Variants in RIF1 observed in about 807,000 individuals in gnomAD.
RIF1 encodes the protein replication timing regulatory factor 1.
RIF1 carries 45 observed loss-of-function variants against 247.1 expected under a neutral mutation model. The observed-to-expected ratio is 0.18, with a 90% CI of 0.14 to 0.23. RIF1 has a LOEUF of 0.23. Ranked by LOEUF, RIF1 falls within the 10% of genes least tolerant of loss-of-function variation. RIF1 has a pLI of 1.00. For synonymous variants in RIF1, 1,087 were observed against 978.8 expected, an observed-to-expected ratio of 1.11 and a Z score of -2.06; for missense variants, 2,967 against 2,862.5, an observed-to-expected ratio of 1.04 and a Z score of -0.83.
rs1318127087 is a variant in RIF1 at position 151,507,070 on chromosome 2, T to C, written c.*1028-659T>C. 13 of 1,089,862 alleles carry C rather than the reference T, an allele frequency of 1.2e-5. No homozygotes were observed. In the East Asian group the frequency reaches 3.1e-4, roughly 26 times the overall value. 67.5% of individuals were successfully genotyped at this position (1,089,862 alleles called of 1,614,324 possible). A position where few individuals can be genotyped will look rare whatever the true frequency, so the allele number is the denominator to read the frequency against. ...TTTCAACATTGCTTTGTTTTCTTTA[T>C]TTGTCCTATATTATGTGAAGAAAAT... On this transcript the variant is annotated intron_variant and NMD_transcript_variant, in intron 13 of 13. Coordinates refer to the RIF1 transcript ENST00000454583.
At position 151,422,916 on chromosome 2, in the gene RIF1, G is replaced by C. The variant is rs115218817; in HGVS notation, c.694-34G>C. On this transcript the variant is annotated intron_variant, in intron 7 of 35. Coordinates refer to ENST00000444746, the MANE Select transcript of RIF1 (RefSeq NM_018151.5). ...TGGTATTGGATTTTTTTTTCTAAGA[G>C]TCTGTTTGGTAAATTAATTGCTTTT... 28 of 1,126,216 alleles carry C rather than the reference G, an allele frequency of 2.5e-5. No homozygotes were observed. In the Middle Eastern group the frequency reaches 8.2e-4, roughly 33 times the overall value. 69.8% of individuals were successfully genotyped at this position (1,126,216 alleles called of 1,614,324 possible).
intron 16 of RIF1, among the ~76,000 whole-genome samples, chr2:151,442,402 AAAAG>A (rs1245419946): frequency 4.0e-5 from 6 of 151,760 alleles, no homozygotes; most frequent in African/African-American, 1.5e-4. Flanking sequence ...AAAAAAAAAA[AAAAG>A]AAAGATGACC....
Position 151,461,238 on chromosome 2 carries a change from C to A in RIF1, c.3176C>A (p.Ala1059Glu), listed in dbSNP as rs149694365. 7.4e-6 allele frequency: 12 copies of A among 1,613,118 alleles called. No homozygotes were observed. The African/African-American group carries it at 1.3e-4, about 18-fold the overall frequency. ...TTTATACCTCCAGAAGGAAAAGATGCAAAGGAAAGAATATTAACTGATCAT... is the reference window on the plus strand; with the variant it reads ...TTTATACCTCCAGAAGGAAAAGATGAAAAGGAAAGAATATTAACTGATCAT... ...FVFIPPEGKD[A>E]KERILTDHQK... Residue 1059 changes from alanine (A) to glutamate (E), a missense_variant, in exon 27 of 36, where the codon GCA becomes GAA. Ala to Glu is a moderately radical substitution (Grantham distance 107). Around this residue, in one of 7 missense-constraint regions of RIF1, gnomAD observed 2,028 missense variants for 1,825.6 expected, o/e 1.11. Coordinates refer to ENST00000444746, the MANE Select transcript of RIF1 (RefSeq NM_018151.5).
chr2:151,420,104 GTA>G, intron 6 of RIF1, 84 bp from the exon 7 acceptor site: 1 of 1,104,696 alleles, frequency 9.1e-7, no homozygotes, highest in Non-Finnish European at 1.3e-6. Context: ...GCCGTACTGT[GTA>G]TATTTCTGTT....
At position 151,410,518 on chromosome 2, in the gene RIF1, C is replaced by T. The variant is rs774948279; in HGVS notation, c.95C>T (p.Thr32Ile). 15 of 1,612,746 alleles carry T rather than the reference C, an allele frequency of 9.3e-6. No individual in the cohort carries two copies. The highest frequency in any genetic ancestry group is 1.3e-5 in the African/African-American group (1 of 74,910). ...SHGGQTDAYL[T>I]LTSRMTGEEG... ...GGAGGGCAGACTGACGCTTACCTGA[C>T]TCTGACCAGGTGAGGTCCGCCACGG... The change falls in exon 2 of 36, where the codon ACT becomes ATT. Residue 32 changes from threonine (T) to isoleucine (I), a missense_variant. Thr to Ile is a moderately conservative substitution (Grantham distance 89). This residue lies in a region of RIF1 where 269 missense variants were observed against 288.6 expected (regional missense o/e 0.93). Coordinates refer to ENST00000444746, the MANE Select transcript of RIF1 (RefSeq NM_018151.5).
downstream of RIF1, chr2:151,485,900 C>A (rs1426472932): frequency 2.5e-6 from 4 of 1,613,842 alleles, no homozygotes; most frequent in African/African-American, 2.7e-5. Context: ...TCTGCATCAG[C>A]AGCCATATAG....
chr2:151,445,343 T>C lies in RIF1; in HGVS notation c.1992T>C (p.Asn664=). The change falls in exon 19 of 36, where the codon AAT becomes AAC. Residue 664 remains asparagine, a synonymous_variant. Coordinates refer to ENST00000444746, the MANE Select transcript of RIF1 (RefSeq NM_018151.5). ...TPLTELINQT[N]EVNQGDALEH... is the part of the protein sequence containing the mutation. ...CATTATTTTTCTTGTTTTAGACCAA[T>C]GAAGTAAATCAAGGTGATGCCTTAG... is the stretch of plus-strand genomic sequence containing the variant. 2 of 1,564,916 alleles carry C rather than the reference T, an allele frequency of 1.3e-6. No individual in the cohort carries two copies. The highest frequency in any genetic ancestry group is 1.8e-6 in the Non-Finnish European group (2 of 1,135,086).
intron 12 of RIF1, chr2:151,506,076 G>A: frequency 1.8e-6 from 2 of 1,119,938 alleles, no homozygotes; most frequent in South Asian, 1.2e-5. Flanking sequence ...GCTGTTTCTG[G>A]TGACAGAGGC....
rs531604132 is a variant in RIF1, at chr2:151,498,294, T to C, written c.*514-1051T>C. 5.8e-6 allele frequency: 9 copies of C among 1,551,470 alleles called. No individual in the cohort carries two copies. Among genetic ancestry groups the C allele is most frequent in the African/African-American group, 1.4e-5 (1 of 73,050 alleles). On this transcript the variant is annotated intron_variant and NMD_transcript_variant, in intron 10 of 13. Coordinates refer to the RIF1 transcript ENST00000454583. ...GTTTTCTTGATTGTGTTTGACTCTC[T>C]GCATCTCAGGAGTGATGGGGATTGG...
rs1685996421 is a variant in RIF1 at position 151,410,663 on chromosome 2, C to T, written c.104+136C>T. On this transcript the variant is annotated intron_variant, in intron 2 of 35. Transcript: ENST00000444746. ...TGTGAGGACGCCCGAGTCGCGGACG[C>T]CTTGGGGGGCGGGGGAGATGTATTC... The T allele has an allele frequency of 4.2e-6, 3 of 710,504 alleles. No homozygotes were observed. In the South Asian group the frequency reaches 5.3e-5, roughly 13 times the overall value. The allele number at this position is 710,504 out of a possible 1,614,324, so 44.0% of individuals were successfully genotyped here.
chr2:151,530,397 T>G, the RIF1 span, among the ~76,000 whole-genome samples: 1 of 152,136 alleles, frequency 6.6e-6, no homozygotes, highest in African/African-American at 2.4e-5. Context: ...GGCCTCGATC[T>G]GGGCTTTTTC....
intron 16 of RIF1, 125 bp from the exon 17 acceptor site, chr2:151,443,134 C>G (rs1311780417): frequency 6.2e-6 from 4 of 645,906 alleles, no homozygotes; most frequent in African/African-American, 5.6e-5. Context: ...GGTTGTCATA[C>G]CCTAAGTAAT....
At chr2:151,521,838 A>G in the RIF1 span, among the ~76,000 whole-genome samples, 1 of 152,208 alleles carries the variant, frequency 6.6e-6, no homozygotes, top group Non-Finnish European at 1.5e-5. Context: ...ACTAATATGA[A>G]TCTGAGTTCA....
intron 23 of RIF1, 69 bp from the exon 24 acceptor site, chr2:151,457,692 A>G: frequency 8.5e-7 from 1 of 1,170,884 alleles, no homozygotes; most frequent in South Asian, 1.4e-5. Flanking sequence ...TAAAAATTGA[A>G]ATAGCAACAT....
intron 20 of RIF1, among the ~76,000 whole-genome samples, chr2:151,451,124 A>G (rs1400719539): frequency 1.3e-5 from 2 of 152,234 alleles, no homozygotes; most frequent in African/African-American, 2.4e-5. Flanking sequence ...ATGTATGGTC[A>G]TGCGCCTCAT....
At chr2:151,522,459 C>T in the RIF1 span, among the ~76,000 whole-genome samples, 1 of 152,184 alleles carries the variant, frequency 6.6e-6, no homozygotes. Flanking sequence ...TGATCAGTGT[C>T]AGCAACCTAA....
chr2:151,533,550 T>A, the RIF1 span: 1 of 1,541,988 alleles, frequency 6.5e-7, no homozygotes, highest in Non-Finnish European at 8.8e-7. Flanking sequence ...ATTTTCTCTG[T>A]CCATGCAAAG....
At position 151,493,437 on chromosome 2, in the gene RIF1, G is replaced by A. The variant is rs898626861; in HGVS notation, c.*416-1792G>A. The A allele has an allele frequency of 3.8e-6, 6 of 1,591,862 alleles. No homozygotes were observed. The African/African-American group carries it at 8.1e-5, about 22-fold the overall frequency. The stretch of plus-strand genomic sequence containing the variant: ...GAGTTGCTTTTCTCATGTTCTCTTT[G>A]TACAATACCTAGGGAAGCCAAAAGA... On this transcript the variant is annotated intron_variant and NMD_transcript_variant, in intron 9 of 13. Transcript: ENST00000454583.
rs1416970697 is a variant in RIF1, at chr2:151,480,428, C to T, written c.*5357C>T. On this transcript the variant is annotated 3_prime_UTR_variant, in exon 36 of 36. Transcript: ENST00000444746. ...TGAGCTGGAATTTTAATGCATAGTA[C>T]ATTTAGTAGAGAGACAAGCTGTCCT... The T allele has an allele frequency of 6.6e-6, 1 of 152,114 alleles. No individual in the cohort carries two copies. The highest frequency in any genetic ancestry group is 1.5e-5 in the Non-Finnish European group (1 of 68,002). The allele number at this position is 152,114 out of a possible 1,614,324, so 9.4% of individuals were successfully genotyped here. A position where few individuals can be genotyped will look rare whatever the true frequency, so the allele number is the denominator to read the frequency against.
Sources: allele counts gnomAD v4.1 joint callset (sites outside exome capture counted in the v4.1 genomes callset), GRCh38; gene constraint gnomAD v4.1.1; regional missense constraint gnomAD v4.1.1; transcripts MANE v1.5; gene names NCBI Gene and HGNC (gene_info 2026-07-23, HGNC 2026-07-21).